FRAS1: variants seen among roughly 807,000 people sequenced by gnomAD.
The protein encoded by FRAS1 is extracellular matrix organizing protein FRAS1.
In FRAS1, 290 loss-of-function variants were observed where a neutral mutation model predicts 435.2. The observed-to-expected ratio is 0.67, with a 90% CI of 0.61 to 0.73. The LOEUF (loss-of-function observed/expected upper bound fraction) is 0.73, where lower values mean the gene tolerates loss of function less well. Among genes scored for constraint, FRAS1 ranks in the 30% least tolerant of loss-of-function variants. The probability of loss-of-function intolerance (pLI) is 0.00; values close to 1 mark genes in which losing one functional copy is unlikely to be tolerated. For missense variants in FRAS1, 4,860 were observed against 5,001.5 expected (o/e 0.97, Z 0.85); for synonymous variants, 1,800 against 1,851.0 (o/e 0.97, Z 0.71).
At chr4:78,140,770 CGT>C (rs1735040555) in intron 2 of FRAS1, among the ~76,000 whole-genome samples, 1 of 126,292 alleles carries the variant, frequency 7.9e-6, no homozygotes, top group East Asian at 2.1e-4. Context: ...TATGTATATA[CGT>C]GTGTGTATAT....
chr4:78,148,495 G>T (rs1376066185), intron 2 of FRAS1, among the ~76,000 whole-genome samples: 2 of 152,152 alleles, frequency 1.3e-5, no homozygotes, highest in Non-Finnish European at 2.9e-5. Context: ...TTTTAAACAA[G>T]TTTGTTGAAA....
At chr4:78,333,754 T>G (rs1730038612) in intron 19 of FRAS1, among the ~76,000 whole-genome samples, 1 of 152,150 alleles carries the variant, frequency 6.6e-6, no homozygotes, top group Non-Finnish European at 1.5e-5. Context: ...CTAAAAGAAC[T>G]AGAACTTAGT....
chr4:78,260,280 A>T (rs1349986417), intron 6 of FRAS1, among the ~76,000 whole-genome samples: 1 of 151,726 alleles, frequency 6.6e-6, no homozygotes, highest in Non-Finnish European at 1.5e-5. Flanking sequence ...TTGAATCTGT[A>T]AATTACCTTG....
chr4:78,230,481 G>A (rs1007041037), intron 2 of FRAS1, among the ~76,000 whole-genome samples: 1 of 152,174 alleles, frequency 6.6e-6, no homozygotes, highest in African/African-American at 2.4e-5. Context: ...TATCTAAGCT[G>A]TCTGAAGAAG....
At chr4:78,402,833 T>C (rs1302546709) in intron 30 of FRAS1, among the ~76,000 whole-genome samples, 1 of 152,188 alleles carries the variant, frequency 6.6e-6, no homozygotes, top group Non-Finnish European at 1.5e-5. Flanking sequence ...CTGACTCTTT[T>C]GAAGAGTGCT....
chr4:78,363,887 G>T (rs374386687), intron 21 of FRAS1, 21 bp from the exon 22 acceptor site: 52 of 1,597,298 alleles, frequency 3.3e-5, no homozygotes, highest in East Asian at 2.7e-4. Context: ...GGTTTCTGTT[G>T]TGTCTCTTTT....
At chr4:78,365,595 C>G (rs1423976305) in intron 22 of FRAS1, among the ~76,000 whole-genome samples, 3 of 152,118 alleles carry the variant, frequency 2.0e-5, no homozygotes, top group Non-Finnish European at 4.4e-5. Flanking sequence ...TCTGCACAAA[C>G]ACATTTGCTA....
At chr4:78,111,930 C>G (rs990181799) in intron 2 of FRAS1, among the ~76,000 whole-genome samples, 1 of 151,960 alleles carries the variant, frequency 6.6e-6, no homozygotes, top group Non-Finnish European at 1.5e-5. Flanking sequence ...CTTCTGATGA[C>G]ATTGTTTTCA....
At chr4:78,362,947 T>C (rs1438043795) in intron 20 of FRAS1, among the ~76,000 whole-genome samples, 1 of 152,112 alleles carries the variant, frequency 6.6e-6, no homozygotes, top group African/African-American at 2.4e-5. Flanking sequence ...AAGGCATGAT[T>C]CAGAAAGAAC....
At position 78,439,776 on chromosome 4, in the gene FRAS1, C is replaced by T. The variant is rs75006617; in HGVS notation, c.5529+712C>T. On this transcript the variant is annotated intron_variant, in intron 40 of 73. Coordinates refer to ENST00000512123, the MANE Select transcript of FRAS1 (RefSeq NM_025074.7). ...CTCCCTAGTAAGTGAGACTATGGACCTGTAGTCCCATACCTGGCTCTTGTC... is the reference window on the plus strand; with the variant it reads ...CTCCCTAGTAAGTGAGACTATGGACTTGTAGTCCCATACCTGGCTCTTGTC... Among the ~76,000 whole-genome samples the T allele has an allele frequency of 7.4e-3, 1,129 of 152,088 alleles. 40 individuals are homozygous for T. The highest frequency in any genetic ancestry group is 0.056 in the Admixed American group (849 of 15,272).
chr4:78,453,800 A>G (rs76857560), intron 47 of FRAS1, among the ~76,000 whole-genome samples: 54,123 of 151,898 alleles, frequency 0.36, 9,957 homozygotes, highest in Admixed American at 0.42. Context: ...CTATCTCAAA[A>G]AAAAAAGACA....
chr4:78,265,164 C>T, intron 7 of FRAS1, 56 bp downstream of exon 7: 1 of 1,137,230 alleles, frequency 8.8e-7, no homozygotes, highest in Non-Finnish European at 1.3e-6. Context: ...ACACATCTGC[C>T]CTCCACCCAC....
At chr4:78,294,227 C>A (rs1350125554) in intron 14 of FRAS1, among the ~76,000 whole-genome samples, 1 of 152,218 alleles carries the variant, frequency 6.6e-6, no homozygotes, top group East Asian at 1.9e-4. Context: ...TGTGTTAGTG[C>A]AGCCAGGAGG....
chr4:78,154,866 G>C (rs1578156448), intron 2 of FRAS1, among the ~76,000 whole-genome samples: 1 of 152,148 alleles, frequency 6.6e-6, no homozygotes, highest in South Asian at 2.1e-4. Context: ...TGACAATCTA[G>C]CAGCAGATAA....
chr4:78,333,058 C>T (rs1730008131), intron 18 of FRAS1, among the ~76,000 whole-genome samples: 1 of 152,208 alleles, frequency 6.6e-6, no homozygotes, highest in Admixed American at 6.5e-5. Context: ...TTTTGAGGCA[C>T]ATGTGCTTTA....
rs749542732 is a variant in FRAS1 at position 78,513,562 on chromosome 4, A to T, written c.10174+10A>T. On this transcript the variant is annotated intron_variant, in intron 65 of 73. Coordinates refer to ENST00000512123, the MANE Select transcript of FRAS1 (RefSeq NM_025074.7). ...CTGAGAGGCATCTCAGGTGAGATTG[A>T]CAAGTTCAGGACTGGTCTTTCCATG... The T allele has an allele frequency of 6.8e-6, 11 of 1,612,304 alleles. No individual in the cohort carries two copies. The highest frequency in any genetic ancestry group is 1.6e-4 in the Middle Eastern group (1 of 6,082).
In FRAS1 at chr4:78,521,522, G is replaced by A. The variant is rs1721385740; in HGVS notation, c.10541-1G>A. The A allele has an allele frequency of 6.2e-7, 1 of 1,607,090 alleles. No homozygotes were observed. Among genetic ancestry groups the A allele is most frequent in the African/African-American group, 1.3e-5 (1 of 74,704 alleles). ...CATTTTCTCTCTGCTTTCCTGCCCA[G>A]GAATCCAGACAGACAGCGTGCTCTC... On this transcript the variant is annotated splice_acceptor_variant, in intron 67 of 73. Transcript: ENST00000512123. LOFTEE classifies it high-confidence loss of function.
intron 70 of FRAS1, among the ~76,000 whole-genome samples, chr4:78,528,927 G>C (rs1479200861): frequency 2.6e-5 from 4 of 152,142 alleles, no homozygotes; most frequent in Admixed American, 2.6e-4. Flanking sequence ...TTCTGCTAAT[G>C]TGGTTGGGAG....
intron 50 of FRAS1, among the ~76,000 whole-genome samples, chr4:78,469,482 A>C (rs1049732562): frequency 2.6e-5 from 4 of 152,206 alleles, no homozygotes. Context: ...CAATGGGAAA[A>C]GGAAAAAAAA....
Sources: gnomAD v4.1 joint callset for allele counts (sites outside exome capture counted in the v4.1 genomes callset) on GRCh38, gnomAD v4.1.1 for gene constraint, MANE v1.5 for transcripts, NCBI Gene and HGNC (gene_info 2026-07-23, HGNC 2026-07-21) for gene names.